Variants in PTBP3 observed in about 807,000 individuals in gnomAD.
The protein encoded by PTBP3 is polypyrimidine tract binding protein 3, also known as polypyrimidine tract-binding protein 3.
PTBP3 carries 20 observed loss-of-function variants against 58.7 expected under a neutral mutation model. The ratio of observed to expected loss-of-function variants is 0.34; its 90% confidence interval spans 0.24 to 0.50. PTBP3 has a LOEUF of 0.50. PTBP3 is among the 20% of genes least tolerant of loss of function. PTBP3 has a pLI of 0.98. For synonymous variants in PTBP3, 185 were observed against 219.8 expected (o/e 0.84, Z 1.40); for missense variants, 509 against 637.2 (o/e 0.80, Z 2.17).
chr9:112,269,387 T>C (rs559251988), intron 3 of PTBP3, among the ~76,000 whole-genome samples: 1 of 152,024 alleles, frequency 6.6e-6, no homozygotes, highest in African/African-American at 2.4e-5. Flanking sequence ...TGGGGCAAAA[T>C]GGTTTATTCT....
intron 4 of PTBP3, among the ~76,000 whole-genome samples, chr9:112,265,428 G>A (rs991396942): frequency 1.6e-5 from 2 of 127,238 alleles, no homozygotes; most frequent in Non-Finnish European, 3.3e-5. Flanking sequence ...GCTTGAACCC[G>A]GCGGGCGGGG....
intron 12 of PTBP3, among the ~76,000 whole-genome samples, chr9:112,227,006 T>C (rs919026352): frequency 2.0e-5 from 3 of 152,208 alleles, no homozygotes; most frequent in Non-Finnish European, 4.4e-5. Flanking sequence ...TTACAGCTTG[T>C]AGATAAAAAG....
chr9:112,233,616 C>T (rs949371717), intron 8 of PTBP3, among the ~76,000 whole-genome samples: 1 of 151,956 alleles, frequency 6.6e-6, no homozygotes, highest in African/African-American at 2.4e-5. Flanking sequence ...TTTCTGTTAA[C>T]TCCATCCTCT....
At chr9:112,290,038 A>C (rs7031592) in intron 2 of PTBP3, among the ~76,000 whole-genome samples, 127,858 of 152,124 alleles carry the variant, frequency 0.84, 54,029 homozygotes, top group African/African-American at 0.92. Context: ...AGATGCAAAA[A>C]ATGGTAGCCA....
the PTBP3 span, among the ~76,000 whole-genome samples, chr9:112,341,230 C>T: frequency 6.6e-6 from 1 of 152,156 alleles, no homozygotes; most frequent in Non-Finnish European, 1.5e-5. Flanking sequence ...CTCCTGGGTT[C>T]AAGTGATTCT....
At chr9:112,331,082 A>AACACACACACACACAC (rs10660591) in intron 1 of PTBP3, among the ~76,000 whole-genome samples, 27 of 139,530 alleles carry the variant, frequency 1.9e-4, no homozygotes, top group South Asian at 7.3e-4. Flanking sequence ...GGAGGAAACG[A>AACACACACACACACAC]ACACACACAC....
intron 6 of PTBP3, chr9:112,252,171 C>G (rs1452258957): frequency 2.0e-5 from 3 of 152,208 alleles, no homozygotes; most frequent in African/African-American, 7.3e-5. Context: ...AGTATCTCCA[C>G]CAATTTAGAG....
chr9:112,349,489 C>T, the PTBP3 span, among the ~76,000 whole-genome samples: 24 of 152,220 alleles, frequency 1.6e-4, no homozygotes, highest in East Asian at 4.3e-3. Flanking sequence ...TGGGGACTTG[C>T]GATCGGTGTC....
intron 5 of PTBP3, among the ~76,000 whole-genome samples, chr9:112,262,201 C>T (rs1836625409): frequency 6.6e-6 from 1 of 150,544 alleles, no homozygotes; most frequent in Non-Finnish European, 1.5e-5. Context: ...TGATTACCTA[C>T]AAGAAAAAAA....
At chr9:112,271,349 T>C (rs993686930) in intron 3 of PTBP3, among the ~76,000 whole-genome samples, 3 of 152,198 alleles carry the variant, frequency 2.0e-5, no homozygotes, top group African/African-American at 7.2e-5. Flanking sequence ...CCAGTGAGCA[T>C]TTCCTTTGAC....
chr9:112,361,271 G>T, the PTBP3 span, among the ~76,000 whole-genome samples: 1 of 151,796 alleles, frequency 6.6e-6, no homozygotes, highest in Non-Finnish European at 1.5e-5. Flanking sequence ...TAATTTTTTT[G>T]TATTTTTAGT....
chr9:112,332,454 T>A (rs937405351), intron 1 of PTBP3, among the ~76,000 whole-genome samples: 1 of 152,186 alleles, frequency 6.6e-6, no homozygotes, highest in African/African-American at 2.4e-5. Context: ...AAGTTGCATA[T>A]ATTCCACAAC....
intron 1 of PTBP3, among the ~76,000 whole-genome samples, chr9:112,330,051 T>C (rs1340588147): frequency 1.3e-5 from 2 of 151,976 alleles, no homozygotes; most frequent in African/African-American, 4.8e-5. Context: ...AGGGTTTCAC[T>C]ATGTTGCCCA....
At chr9:112,373,673 A>G in the PTBP3 span, among the ~76,000 whole-genome samples, 3 of 152,250 alleles carry the variant, frequency 2.0e-5, no homozygotes, top group African/African-American at 7.2e-5. Flanking sequence ...TCCGCCTAAC[A>G]TAATACAACT....
Position 112,224,144 on chromosome 9 carries a change from A to G in PTBP3, c.1431T>C (p.Phe477=). 6.3e-7 allele frequency: 1 copy of G among 1,581,726 alleles called. No homozygotes were observed. Among genetic ancestry groups the G allele is most frequent in the Non-Finnish European group, 8.6e-7 (1 of 1,166,442 alleles). The stretch of plus-strand genomic sequence containing the variant: ...AAGCAAAGACTTACTGAAAGAATTT[A>G]AAAGCCTTCACTGAACATCCAGCTT... ...FIEAGCSVKA[F]KFFQKDRKMA... is the part of the protein sequence containing the mutation. Residue 477 remains phenylalanine (F), a synonymous_variant, in exon 13 of 14, where the codon TTT becomes TTC. Transcript: ENST00000374257.
chr9:112,345,162 G>A, the PTBP3 span, among the ~76,000 whole-genome samples: 2 of 151,566 alleles, frequency 1.3e-5, no homozygotes, highest in African/African-American at 4.9e-5. Context: ...CTTTAAAATG[G>A]TTAAAATGGT....
chr9:112,274,088 A>G (rs1156923137), intron 3 of PTBP3, among the ~76,000 whole-genome samples: 1 of 152,194 alleles, frequency 6.6e-6, no homozygotes, highest in Non-Finnish European at 1.5e-5. Context: ...TAAAATAACG[A>G]TCTAACTGGC....
chr9:112,285,683 T>C (rs1828081297), intron 2 of PTBP3, among the ~76,000 whole-genome samples: 1 of 152,246 alleles, frequency 6.6e-6, no homozygotes, highest in Admixed American at 6.5e-5. Context: ...CAATTTTATG[T>C]ATAGACACAG....
upstream of PTBP3, among the ~76,000 whole-genome samples, chr9:112,338,374 G>C (rs941911556): frequency 1.3e-5 from 2 of 152,116 alleles, no homozygotes; most frequent in Non-Finnish European, 2.9e-5. Flanking sequence ...TCTGTGTGCT[G>C]CTTTTAATAG....
Sources: allele counts gnomAD v4.1 joint callset (sites outside exome capture counted in the v4.1 genomes callset), GRCh38; gene constraint gnomAD v4.1.1; transcripts MANE v1.5; gene names NCBI Gene and HGNC (gene_info 2026-07-23, HGNC 2026-07-21).